Variants in SNRPN observed in about 807,000 individuals in gnomAD.
SNRPN encodes small nuclear ribonucleoprotein polypeptide N.
Under a neutral mutation model 25.2 loss-of-function variants are expected in SNRPN, and 7 were observed. The ratio of observed to expected loss-of-function variants is 0.28; its 90% CI spans 0.16 to 0.52. The LOEUF (loss-of-function observed/expected upper bound fraction) is 0.52, where lower values mean the gene tolerates loss of function less well. Among genes scored for constraint, SNRPN ranks in the 20% least tolerant of loss-of-function variants. The pLI is 0.96. For synonymous variants in SNRPN, 124 were observed against 110.6 expected, an observed-to-expected ratio of 1.12 and a Z score of -0.76; for missense variants, 196 against 322.5, an observed-to-expected ratio of 0.61 and a Z score of 3.00.
chr15:24,858,915 G>A (rs963273934), intron 1 of SNRPN, among the ~76,000 whole-genome samples: 4 of 151,116 alleles, frequency 2.6e-5, no homozygotes, highest in African/African-American at 4.9e-5. Flanking sequence ...TTGCATGCCC[G>A]GACATGCCAC....
At chr15:24,855,370 C>T (rs1003329745), upstream of SNRPN, among the ~76,000 whole-genome samples, 2 of 152,114 alleles carry the variant, frequency 1.3e-5, no homozygotes, top group African/African-American at 4.8e-5. Context: ...TGATCTAAAG[C>T]CCTACAAGAA....
intron 2 of SNRPN, chr15:24,967,101 C>G (rs1353073979): frequency 6.6e-6 from 1 of 152,148 alleles, no homozygotes; most frequent in South Asian, 2.1e-4. Flanking sequence ...AGCAGCATCT[C>G]CCTCCCCTCA....
intron 2 of SNRPN, among the ~76,000 whole-genome samples, chr15:24,914,329 C>A (rs1440558546): frequency 6.6e-6 from 1 of 152,144 alleles, no homozygotes; most frequent in Admixed American, 6.6e-5. Context: ...AGGAAAAAGA[C>A]CTTCCATTCC....
chr15:24,859,883 A>G (rs2053833946), intron 1 of SNRPN, among the ~76,000 whole-genome samples: 1 of 152,136 alleles, frequency 6.6e-6, no homozygotes, highest in Non-Finnish European at 1.5e-5. Context: ...TGCTGGAGGG[A>G]TGTAGCACTG....
upstream of SNRPN, chr15:24,954,933 G>A: frequency 3.4e-6 from 5 of 1,464,520 alleles, no homozygotes; most frequent in East Asian, 2.3e-5. Context: ...AGGCTGGCGC[G>A]CATGCTCAGG....
chr15:24,844,536 T>G (rs1033665133), intron 2 of SNRPN, among the ~76,000 whole-genome samples: 5 of 152,184 alleles, frequency 3.3e-5, no homozygotes, highest in Non-Finnish European at 5.9e-5. Context: ...TTTTGTTGTT[T>G]TTTTTTGAGA....
intron 1 of SNRPN, among the ~76,000 whole-genome samples, chr15:24,960,887 T>C (rs377328681): frequency 1.3e-5 from 2 of 152,208 alleles, no homozygotes; most frequent in Non-Finnish European, 2.9e-5. Flanking sequence ...ATCATTCTTA[T>C]CAAAATTAGT....
intron 3 of SNRPN, among the ~76,000 whole-genome samples, chr15:24,971,708 A>G (rs529707104): frequency 6.6e-6 from 1 of 152,262 alleles, no homozygotes; most frequent in East Asian, 1.9e-4. Context: ...ATTTTTCACA[A>G]AAAAATTCCA....
At chr15:24,968,952 A>G (rs896715785) in intron 3 of SNRPN, 3 of 151,560 alleles carry the variant, frequency 2.0e-5, no homozygotes, top group African/African-American at 7.3e-5. Context: ...TTTCTACTTT[A>G]AGTTTTAGAA....
chr15:24,967,964 A>C lies in SNRPN; in HGVS notation c.-262A>C, dbSNP rs765651266. ...TTGTACCCGAGGCGTTCTCAGCAGC[A>C]GCAAGTACCTGTGGTGGATTTCCAG... On this transcript the variant is annotated 5_prime_UTR_variant, in exon 3 of 10. Coordinates refer to ENST00000390687, the MANE Select transcript of SNRPN (RefSeq NM_003097.6). The C allele has an allele frequency of 6.2e-7, 1 of 1,614,208 alleles. No individual in the cohort carries two copies. Among genetic ancestry groups the C allele is most frequent in the Non-Finnish European group, 8.5e-7 (1 of 1,180,040 alleles).
intron 1 of SNRPN, among the ~76,000 whole-genome samples, chr15:24,869,974 C>G (rs1276285847): frequency 6.6e-6 from 1 of 152,090 alleles, no homozygotes; most frequent in Non-Finnish European, 1.5e-5. Flanking sequence ...TAGATATATT[C>G]AGTTCACATC....
intron 1 of SNRPN, among the ~76,000 whole-genome samples, chr15:24,878,733 A>G (rs551003733): frequency 3.3e-5 from 5 of 152,160 alleles, no homozygotes; most frequent in South Asian, 4.1e-4. Flanking sequence ...TTCCCTCTCA[A>G]TATTAACAAT....
At chr15:24,903,876 A>T (rs192366515) in intron 2 of SNRPN, among the ~76,000 whole-genome samples, 2 of 152,160 alleles carry the variant, frequency 1.3e-5, no homozygotes, top group Admixed American at 1.3e-4. Flanking sequence ...CTACAAAAAC[A>T]TACAAAAAAT....
At chr15:24,924,025 T>C (rs780163284) in intron 3 of SNRPN, among the ~76,000 whole-genome samples, 1 of 149,256 alleles carries the variant, frequency 6.7e-6, no homozygotes, top group South Asian at 2.2e-4. Context: ...TTTCAGCATG[T>C]AGCTCTGGCT....
At chr15:24,960,712 G>A (rs908544571) in intron 1 of SNRPN, among the ~76,000 whole-genome samples, 9 of 152,096 alleles carry the variant, frequency 5.9e-5, no homozygotes, top group Non-Finnish European at 1.2e-4. Flanking sequence ...TTTACCCATC[G>A]TAGCAATAGA....
At chr15:24,940,210 G>T (rs541249356) in intron 3 of SNRPN, among the ~76,000 whole-genome samples, 1 of 152,228 alleles carries the variant, frequency 6.6e-6, no homozygotes, top group African/African-American at 2.4e-5. Context: ...ATGCACAGAA[G>T]GTTTTGATTT....
intron 2 of SNRPN, among the ~76,000 whole-genome samples, chr15:24,912,035 G>A (rs61999139): frequency 0.096 from 14,629 of 152,284 alleles, 853 homozygotes; most frequent in Admixed American, 0.16. Context: ...TCTGTAAGGT[G>A]AGAGGTAGAA....
At chr15:24,880,753 T>C (rs2056498968) in intron 1 of SNRPN, among the ~76,000 whole-genome samples, 1 of 151,188 alleles carries the variant, frequency 6.6e-6, no homozygotes, top group Admixed American at 6.6e-5. Flanking sequence ...CACTTACGCC[T>C]TTTTTTTTGA....
chr15:24,918,560 CATAAT>C (rs1324213838), intron 2 of SNRPN, among the ~76,000 whole-genome samples: 2 of 73,600 alleles, frequency 2.7e-5, no homozygotes, highest in Non-Finnish European at 5.2e-5. Flanking sequence ...GTATATATAA[CATAAT>C]ATATATGTAT....
Sources: allele counts gnomAD v4.1 joint callset (sites outside exome capture counted in the v4.1 genomes callset), GRCh38; gene constraint gnomAD v4.1.1; transcripts MANE v1.5; gene names NCBI Gene and HGNC (gene_info 2026-07-23, HGNC 2026-07-21).